NRXN3: variants seen among roughly 807,000 people sequenced by gnomAD.
NRXN3 encodes neurexin 3.
Under a neutral mutation model 137.6 loss-of-function variants are expected in NRXN3, and 32 were observed. The ratio of observed to expected loss-of-function variants is 0.23; its 90% CI spans 0.18 to 0.31. The LOEUF (loss-of-function observed/expected upper bound fraction) is 0.31, where lower values mean the gene tolerates loss of function less well. NRXN3 is among the 10% of genes least tolerant of loss of function. The probability of loss-of-function intolerance (pLI) is 1.00; values close to 1 mark genes in which losing one functional copy is unlikely to be tolerated. For synonymous variants in NRXN3, 798 were observed against 784.5 expected (o/e 1.02, Z -0.29); for missense variants, 1,574 against 2,062.5 (o/e 0.76, Z 4.59).
chr14:78,292,235 G>A lies in NRXN3; in HGVS notation c.728-5596G>A, dbSNP rs1203447606. Among the ~76,000 whole-genome samples the A allele has an allele frequency of 2.6e-5, 4 of 152,170 alleles. No individual in the cohort carries two copies. The East Asian group carries it at 7.7e-4, about 29-fold the overall frequency. ...CTTTCATAGCCATTTCCATTTTCCC[G>A]AGCTGCAAAAGCAGCTATAGCTATC... On this transcript the variant is annotated intron_variant, in intron 3 of 20. Coordinates refer to ENST00000335750, the MANE Select transcript of NRXN3 (RefSeq NM_001330195.2).
At chr14:78,705,055 TGGGTG>T in intron 6 of NRXN3, among the ~76,000 whole-genome samples, 1 of 152,304 alleles carries the variant, frequency 6.6e-6, no homozygotes. Context: ...TACAAGCCCA[TGGGTG>T]GGATAGTAAG....
At chr14:79,100,635 T>C (rs4903830) in intron 15 of NRXN3, among the ~76,000 whole-genome samples, 76,484 of 152,094 alleles carry the variant, frequency 0.5, 22,491 homozygotes, top group East Asian at 0.78. Flanking sequence ...TTTCTTGGTC[T>C]GCAGAGCTGC....
chr14:78,538,331 C>T (rs929965926), intron 4 of NRXN3, among the ~76,000 whole-genome samples: 1 of 152,164 alleles, frequency 6.6e-6, no homozygotes, highest in African/African-American at 2.4e-5. Context: ...TACTTCACAT[C>T]CCTTGTAAGT....
chr14:79,722,110 T>C (rs1211637628), intron 19 of NRXN3, among the ~76,000 whole-genome samples: 2 of 152,072 alleles, frequency 1.3e-5, no homozygotes, highest in Non-Finnish European at 1.5e-5. Context: ...CTTTATAGGA[T>C]TGATGTGAAG....
intron 15 of NRXN3, among the ~76,000 whole-genome samples, chr14:79,007,059 T>A (rs1290642831): frequency 6.6e-6 from 1 of 152,086 alleles, no homozygotes; most frequent in Non-Finnish European, 1.5e-5. Flanking sequence ...ATGTTTAGAG[T>A]GTGTAGATAA....
Position 79,199,352 on chromosome 14 carries a change from A to G in NRXN3, c.3262+211211A>G, listed in dbSNP as rs117296605. Among the ~76,000 whole-genome samples, 63 of 152,268 alleles carry G rather than the reference A, an allele frequency of 4.1e-4. No individual in the cohort carries two copies. The East Asian group carries it at 0.01, about 24-fold the overall frequency. On this transcript the variant is annotated intron_variant, in intron 15 of 20. Coordinates refer to ENST00000335750, the MANE Select transcript of NRXN3 (RefSeq NM_001330195.2). ...CCTCTAGAGTGAAACGATGAATAAA[A>G]TCTACTAGTCCTGTGAGAAGGACAA...
At chr14:78,331,498 G>A (rs75615417) in intron 4 of NRXN3, among the ~76,000 whole-genome samples, 2,757 of 152,306 alleles carry the variant, frequency 0.018, 66 homozygotes, top group African/African-American at 0.062. Flanking sequence ...GGCAGAGAAC[G>A]TGGCCGCATG....
intron 15 of NRXN3, among the ~76,000 whole-genome samples, chr14:79,084,694 G>T (rs1402092470): frequency 6.6e-6 from 1 of 152,056 alleles, no homozygotes; most frequent in Non-Finnish European, 1.5e-5. Flanking sequence ...GTCAAATATG[G>T]TGACTTTGGT....
In NRXN3 at chr14:79,377,649, A is replaced by G. The variant is rs149521033; in HGVS notation, c.3263-89572A>G. 3.5e-4 allele frequency among the ~76,000 whole-genome samples: 53 copies of G among 152,208 alleles called. No homozygotes were observed. In the East Asian group the frequency reaches 8.1e-3, roughly 23 times the overall value. ...CGTGCACCTGTAATCCCAGCTACTC[A>G]GGAGGCTGAGGCAGGAGAATCACTT... On this transcript the variant is annotated intron_variant, in intron 15 of 20. Transcript: ENST00000335750.
chr14:79,730,044 C>T (rs2098916086), intron 19 of NRXN3, among the ~76,000 whole-genome samples: 1 of 152,118 alleles, frequency 6.6e-6, no homozygotes, highest in Non-Finnish European at 1.5e-5. Flanking sequence ...AAGGGGGCTG[C>T]TATCTGGGTG....
chr14:79,661,272 A>T (rs1177846404), intron 16 of NRXN3, among the ~76,000 whole-genome samples: 3 of 152,160 alleles, frequency 2.0e-5, no homozygotes, highest in Non-Finnish European at 4.4e-5. Flanking sequence ...AGAACAGAAC[A>T]TGGGGATTGC....
intron 15 of NRXN3, among the ~76,000 whole-genome samples, chr14:79,391,410 C>A (rs557394549): frequency 2.6e-5 from 4 of 152,256 alleles, no homozygotes; most frequent in African/African-American, 9.6e-5. Context: ...GCCTTTTTGG[C>A]TTCCACTTTT....
In NRXN3 at chr14:78,324,429, A is replaced by G. The variant is rs74817331; in HGVS notation, c.757+26569A>G. 7.0e-4 allele frequency among the ~76,000 whole-genome samples: 107 copies of G among 152,216 alleles called. No homozygotes were observed. In the East Asian group the frequency reaches 0.017, roughly 24 times the overall value. ...GGAAGCTGTCAGAAAGTGGGAAGAA[A>G]AAAATGCAGTGATCTGAGAGTGTTT... On this transcript the variant is annotated intron_variant, in intron 4 of 20. Coordinates refer to ENST00000335750, the MANE Select transcript of NRXN3 (RefSeq NM_001330195.2).
At chr14:79,790,072 C>A (rs553682402) in intron 19 of NRXN3, among the ~76,000 whole-genome samples, 1 of 152,220 alleles carries the variant, frequency 6.6e-6, no homozygotes, top group Non-Finnish European at 1.5e-5. Context: ...GATATTTAAT[C>A]AAAAATATTG....
chr14:78,458,854 AAGG>A (rs1320399602), intron 4 of NRXN3, among the ~76,000 whole-genome samples: 2 of 152,182 alleles, frequency 1.3e-5, no homozygotes, highest in Non-Finnish European at 2.9e-5. Flanking sequence ...CCATCTAACT[AAGG>A]AGAAGACTTT....
At chr14:79,709,892 CCTAT>C (rs147774849) in intron 19 of NRXN3, among the ~76,000 whole-genome samples, 414 of 152,056 alleles carry the variant, frequency 2.7e-3, no homozygotes, top group Non-Finnish European at 4.6e-3. Context: ...TCCTTACTAC[CCTAT>C]CTATCTATCC....
At chr14:78,649,521 G>T (rs1208683185) in intron 5 of NRXN3, among the ~76,000 whole-genome samples, 1 of 142,212 alleles carries the variant, frequency 7.0e-6, no homozygotes, top group Non-Finnish European at 1.5e-5. Context: ...TGTGGGGAAG[G>T]TTTCCTTTTC....
At chr14:79,406,021 G>A (rs1361183442) in intron 15 of NRXN3, among the ~76,000 whole-genome samples, 5 of 151,958 alleles carry the variant, frequency 3.3e-5, no homozygotes, top group African/African-American at 7.3e-5. Flanking sequence ...TTAAACAAAC[G>A]CACAAATAAT....
chr14:79,150,629 C>A (rs2059711484), intron 15 of NRXN3, among the ~76,000 whole-genome samples: 1 of 151,814 alleles, frequency 6.6e-6, no homozygotes, highest in Non-Finnish European at 1.5e-5. Flanking sequence ...GATCAGACCT[C>A]CCAGTAGGAG....
Sources: gnomAD v4.1 joint callset for allele counts (sites outside exome capture counted in the v4.1 genomes callset) on GRCh38, gnomAD v4.1.1 for gene constraint, MANE v1.5 for transcripts, NCBI Gene and HGNC (gene_info 2026-07-23, HGNC 2026-07-21) for gene names.